TAOK1: variants seen among roughly 807,000 people sequenced by gnomAD.
TAOK1 encodes the protein TAO kinase 1, also known as serine/threonine-protein kinase TAO1.
A neutral mutation model predicts 138.3 loss-of-function variants in TAOK1; 21 were observed. The observed-to-expected ratio is 0.15, with a 90% CI of 0.11 to 0.22. The LOEUF is 0.22. Ranked by LOEUF, TAOK1 falls within the 10% of genes least tolerant of loss-of-function variation. The pLI, the probability that TAOK1 is intolerant of heterozygous loss-of-function variation, is 1.00. For missense variants in TAOK1, 651 were observed against 1,227.7 expected, an observed-to-expected ratio of 0.53 and a Z score of 7.02; for synonymous variants, 361 against 398.4, an observed-to-expected ratio of 0.91 and a Z score of 1.12.
intron 2 of TAOK1, 64 bp from the exon 3 acceptor site, chr17:29,467,081 G>A: frequency 1.6e-6 from 2 of 1,272,042 alleles, no homozygotes; most frequent in Non-Finnish European, 2.2e-6. Flanking sequence ...TATTCGCAAA[G>A]AAATAGTTGC....
intron 15 of TAOK1, chr17:29,514,166 A>G (rs9898519): frequency 0.24 from 35,729 of 151,972 alleles, 4,799 homozygotes; most frequent in East Asian, 0.66. Context: ...TTGTGTGCCC[A>G]TGTTATTCCT....
At chr17:29,509,708 A>T (rs1455107943) in intron 14 of TAOK1, among the ~76,000 whole-genome samples, 1 of 151,568 alleles carries the variant, frequency 6.6e-6, no homozygotes, top group Non-Finnish European at 1.5e-5. Flanking sequence ...AGCCTGGGCA[A>T]CATGGGAAGA....
intron 2 of TAOK1, among the ~76,000 whole-genome samples, chr17:29,455,056 A>G (rs892441065): frequency 3.3e-5 from 5 of 151,902 alleles, no homozygotes; most frequent in African/African-American, 1.2e-4. Flanking sequence ...GATTACAGGT[A>G]CACACCACCA....
chr17:29,391,466 C>T (rs1039643473), intron 1 of TAOK1, among the ~76,000 whole-genome samples: 1 of 152,126 alleles, frequency 6.6e-6, no homozygotes, highest in African/African-American at 2.4e-5. Flanking sequence ...TACCCCTCTT[C>T]TGTAGGGGCG....
At chr17:29,531,487 C>A in intron 18 of TAOK1, among the ~76,000 whole-genome samples, 1 of 470 alleles carries the variant, frequency 2.1e-3, no homozygotes, top group Admixed American at 0.038. Context: ...TAAGGCTGCG[C>A]GCCAGTGGCT....
chr17:29,507,131 G>A (rs35096602), intron 13 of TAOK1, among the ~76,000 whole-genome samples: 24,255 of 152,024 alleles, frequency 0.16, 2,054 homozygotes, highest in Admixed American at 0.21. Context: ...CTTCTGAGGT[G>A]ATAAACATGC....
intron 1 of TAOK1, among the ~76,000 whole-genome samples, chr17:29,448,475 T>TA (rs2030150912): frequency 6.6e-6 from 1 of 152,208 alleles, no homozygotes; most frequent in Admixed American, 6.5e-5. Flanking sequence ...AAGATAGACA[T>TA]ACATGGGTTT....
At chr17:29,452,936 A>G (rs1041267846) in intron 2 of TAOK1, among the ~76,000 whole-genome samples, 4 of 152,144 alleles carry the variant, frequency 2.6e-5, no homozygotes, top group African/African-American at 9.7e-5. Context: ...TGATGCTGCC[A>G]TGAACATTGA....
intron 13 of TAOK1, among the ~76,000 whole-genome samples, chr17:29,506,751 C>T (rs2031635537): frequency 6.6e-6 from 1 of 152,024 alleles, no homozygotes; most frequent in Non-Finnish European, 1.5e-5. Flanking sequence ...AAAACATTAA[C>T]ATTTTTTAAA....
intron 5 of TAOK1, among the ~76,000 whole-genome samples, chr17:29,477,963 TG>T (rs1280242907): frequency 1.3e-5 from 2 of 152,156 alleles, no homozygotes; most frequent in African/African-American, 4.8e-5. Flanking sequence ...CTGCTCCTCT[TG>T]TTCAAACCAA....
In TAOK1 at chr17:29,544,648, G is replaced by A. The variant is rs748863766; in HGVS notation, c.*1626G>A. The stretch of plus-strand genomic sequence containing the variant: ...TTATTTTCTTGGTTTTCCATTTCTT[G>A]TATATAAATTGTGTTGGAGGTGGGT... On this transcript the variant is annotated 3_prime_UTR_variant, in exon 20 of 20. Transcript: ENST00000261716. The A allele has an allele frequency of 2.6e-5, 4 of 152,164 alleles. No individual in the cohort carries two copies. The highest frequency in any genetic ancestry group is 4.4e-5 in the Non-Finnish European group (3 of 68,034). 9.4% of individuals were successfully genotyped at this position (152,164 alleles called of 1,614,324 possible).
chr17:29,449,759 T>G (rs1022128125), intron 1 of TAOK1, among the ~76,000 whole-genome samples: 1 of 152,150 alleles, frequency 6.6e-6, no homozygotes, highest in Non-Finnish European at 1.5e-5. Context: ...GAGAATTGCT[T>G]GAACCTGGGA....
intron 3 of TAOK1, among the ~76,000 whole-genome samples, chr17:29,472,404 C>T (rs2030840151): frequency 6.6e-6 from 1 of 151,736 alleles, no homozygotes; most frequent in African/African-American, 2.4e-5. Context: ...AGGCCTGCAT[C>T]CCCATGCCTG....
intron 1 of TAOK1, among the ~76,000 whole-genome samples, chr17:29,414,330 A>G (rs1905217032): frequency 6.6e-6 from 1 of 150,908 alleles, no homozygotes; most frequent in Non-Finnish European, 1.5e-5. Context: ...GCTCACTGCA[A>G]CCTCCACCTC....
At chr17:29,536,774 A>G (rs1196237009) in intron 19 of TAOK1, among the ~76,000 whole-genome samples, 2 of 139,472 alleles carry the variant, frequency 1.4e-5, no homozygotes, top group African/African-American at 5.4e-5. Context: ...ATCTCTGCTC[A>G]CTGCAAGCTC....
At chr17:29,489,808 T>A in intron 9 of TAOK1, 51 bp downstream of exon 9, 1 of 1,312,582 alleles carries the variant, frequency 7.6e-7, no homozygotes, top group Non-Finnish European at 1.1e-6. Flanking sequence ...ATGAAATGCT[T>A]TTTCATAATC....
chr17:29,447,597 C>T (rs1049868126), intron 1 of TAOK1, among the ~76,000 whole-genome samples: 4 of 151,904 alleles, frequency 2.6e-5, no homozygotes, highest in Non-Finnish European at 5.9e-5. Flanking sequence ...CCGTGGCCTC[C>T]GAAAGTGTTG....
At chr17:29,398,902 C>T (rs1904747125) in intron 1 of TAOK1, among the ~76,000 whole-genome samples, 1 of 152,070 alleles carries the variant, frequency 6.6e-6, no homozygotes, top group South Asian at 2.1e-4. Context: ...AACTTACTGC[C>T]TGATACATGC....
At chr17:29,520,574 C>G (rs2031895780) in intron 16 of TAOK1, among the ~76,000 whole-genome samples, 1 of 151,784 alleles carries the variant, frequency 6.6e-6, no homozygotes, top group Admixed American at 6.6e-5. Context: ...CCACCATGGC[C>G]TGGTTAATCT....
Sources: allele counts gnomAD v4.1 joint callset (sites outside exome capture counted in the v4.1 genomes callset), GRCh38; gene constraint gnomAD v4.1.1; transcripts MANE v1.5; gene names NCBI Gene and HGNC (gene_info 2026-07-23, HGNC 2026-07-21).